The following DNAH11 variants were observed in gnomAD, a reference collection of about 807,000 sequenced individuals.
DNAH11 encodes dynein axonemal heavy chain 11.
A neutral mutation model predicts 526.0 loss-of-function variants in DNAH11; 442 were observed. The ratio of observed to expected loss-of-function variants is 0.84; its 90% CI spans 0.78 to 0.91. The LOEUF (loss-of-function observed/expected upper bound fraction) is 0.91, where lower values mean the gene tolerates loss of function less well. Ranked by LOEUF, DNAH11 falls within the 40% of genes least tolerant of loss-of-function variation. The pLI is 0.00. For missense variants in DNAH11, 6,989 were observed against 5,448.7 expected, an observed-to-expected ratio of 1.28 and a Z score of -8.90; for synonymous variants, 2,461 against 1,935.9, an observed-to-expected ratio of 1.27 and a Z score of -7.12.
intron 71 of DNAH11, 151 bp from the exon 72 acceptor site, chr7:21,867,708 G>A (rs1046827744): frequency 3.0e-6 from 2 of 672,948 alleles, no homozygotes; most frequent in Non-Finnish European, 5.0e-6. Context: ...CATACATCTA[G>A]CTGGATTCAT....
intron 45 of DNAH11, among the ~76,000 whole-genome samples, chr7:21,732,770 A>G (rs1785436912): frequency 1.3e-5 from 2 of 152,356 alleles, no homozygotes; most frequent in South Asian, 4.1e-4. Flanking sequence ...TCAATTTAAG[A>G]CAGCCATCCC....
intron 74 of DNAH11, among the ~76,000 whole-genome samples, chr7:21,876,828 T>C (rs1318753201): frequency 6.6e-6 from 1 of 152,228 alleles, no homozygotes; most frequent in Non-Finnish European, 1.5e-5. Flanking sequence ...ACAGAAATTC[T>C]CCTTTCATCT....
At chr7:21,652,504 T>G (rs1020507876) in intron 28 of DNAH11, among the ~76,000 whole-genome samples, 1 of 152,228 alleles carries the variant, frequency 6.6e-6, no homozygotes, top group Admixed American at 6.5e-5. Context: ...GAAGACTGTT[T>G]AGTGTTTTAA....
intron 18 of DNAH11, among the ~76,000 whole-genome samples, chr7:21,603,551 G>T (rs557742500): frequency 3.2e-4 from 48 of 152,238 alleles, no homozygotes; most frequent in South Asian, 8.3e-4. Context: ...ATGCAGCAGG[G>T]TATTTACAAG....
chr7:21,654,018 G>C lies in DNAH11; in HGVS notation c.4945-1814G>C, dbSNP rs1237014253. 3.3e-5 allele frequency among the ~76,000 whole-genome samples: 5 copies of C among 152,276 alleles called. No individual in the cohort carries two copies. In the East Asian group the frequency reaches 7.7e-4, roughly 23 times the overall value. Reference sequence around the variant, plus strand: ...AAAGTTTGTTACAGCAGTGGCGCCTGTATGCTTGGAAATGTTTTGTATTGC... The same window carrying C: ...AAAGTTTGTTACAGCAGTGGCGCCTCTATGCTTGGAAATGTTTTGTATTGC... On this transcript the variant is annotated intron_variant, in intron 28 of 81. Transcript: ENST00000409508.
chr7:21,718,178 A>T (rs1247270661), intron 43 of DNAH11, among the ~76,000 whole-genome samples: 1 of 146,504 alleles, frequency 6.8e-6, no homozygotes, highest in Non-Finnish European at 1.5e-5. Flanking sequence ...GGTTAGAACC[A>T]TGTTTTACTG....
rs368990145 is a variant in DNAH11, at chr7:21,583,916, A to T, written c.1710+1895A>T. 7.9e-5 allele frequency among the ~76,000 whole-genome samples: 12 copies of T among 152,366 alleles called. No homozygotes were observed. In the East Asian group the frequency reaches 1.9e-3, roughly 24 times the overall value. The stretch of plus-strand genomic sequence containing the variant: ...CCAGTTAGAATGGCGATCATTAAAA[A>T]GTCAGGAAACAACAGATGCTAGAGG... On this transcript the variant is annotated intron_variant, in intron 9 of 81. Coordinates refer to ENST00000409508, the MANE Select transcript of DNAH11 (RefSeq NM_001277115.2).
intron 66 of DNAH11, chr7:21,851,755 G>A (rs917457195): frequency 2.3e-6 from 1 of 439,240 alleles, no homozygotes; most frequent in South Asian, 1.7e-5. Context: ...GTGTTTGCCT[G>A]TTTTTAGGAT....
At chr7:21,555,142 C>T (rs1162239199) in intron 2 of DNAH11, among the ~76,000 whole-genome samples, 2 of 152,180 alleles carry the variant, frequency 1.3e-5, no homozygotes, top group African/African-American at 2.4e-5. Flanking sequence ...TAGCCCATCT[C>T]CTCTTGTGAG....
rs183675174 is a variant in DNAH11, at chr7:21,547,650, C to T, written c.495+2501C>T. Reference sequence around the variant, plus strand: ...TCTTCCCTTTTATGGGCTGACTCCTCGTCTACATTCTGTTCCTTTATCATG... The same window carrying T: ...TCTTCCCTTTTATGGGCTGACTCCTTGTCTACATTCTGTTCCTTTATCATG... On this transcript the variant is annotated intron_variant, in intron 2 of 81. Transcript: ENST00000409508. 4.4e-4 allele frequency among the ~76,000 whole-genome samples: 67 copies of T among 152,266 alleles called. No homozygotes were observed. In the East Asian group the frequency reaches 9.9e-3, roughly 22 times the overall value.
chr7:21,714,482 G>T (rs1276235860), intron 42 of DNAH11, among the ~76,000 whole-genome samples: 2 of 152,024 alleles, frequency 1.3e-5, no homozygotes, highest in East Asian at 3.9e-4. Context: ...CATAGTTATT[G>T]GAGACTTTAA....
At chr7:21,544,909 G>C in intron 1 of DNAH11, 97 bp from the exon 2 acceptor site, 1 of 1,079,964 alleles carries the variant, frequency 9.3e-7, no homozygotes, top group Non-Finnish European at 1.3e-6. Flanking sequence ...GCCAGGTTTT[G>C]TTTCTTCTGC....
chr7:21,620,112 A>G, intron 25 of DNAH11, 34 bp downstream of exon 25: 1 of 1,473,526 alleles, frequency 6.8e-7, no homozygotes. Flanking sequence ...TATATTTTTC[A>G]TTTTATTTTT....
rs1786699902 is a variant in DNAH11, at chr7:21,757,715, C to T, written c.8940+7351C>T. ...CGACAGACAAGGTGGGTGATTTCCTCCTGGCTCACACAGCGTCATGTGCAG... is the reference window on the plus strand; with the variant it reads ...CGACAGACAAGGTGGGTGATTTCCTTCTGGCTCACACAGCGTCATGTGCAG... On this transcript the variant is annotated intron_variant, in intron 54 of 81. Transcript: ENST00000409508. Among the ~76,000 whole-genome samples the T allele has an allele frequency of 2.6e-5, 4 of 152,280 alleles. No individual in the cohort carries two copies. In the South Asian group the frequency reaches 6.2e-4, roughly 24 times the overall value.
In DNAH11 at chr7:21,735,775, A is replaced by T. The variant is rs1475731645; in HGVS notation, c.7576A>T (p.Ser2526Cys). 8.7e-6 allele frequency: 14 copies of T among 1,613,876 alleles called. No homozygotes were observed. The highest frequency in any genetic ancestry group is 1.1e-5 in the Non-Finnish European group (13 of 1,179,902). ...AGTCTTTGTAGGTGACACATTGGCA[A>T]GTCTCTCTGAGGATTACATAGTATC... ...KTVFVGDTLA[S>C]LSEDYIVSRV... The change falls in exon 46 of 82, where the codon AGT (serine) becomes TGT (cysteine). Residue 2526 changes from serine to cysteine, a missense_variant. Coordinates refer to ENST00000409508, the MANE Select transcript of DNAH11 (RefSeq NM_001277115.2).
intron 40 of DNAH11, among the ~76,000 whole-genome samples, chr7:21,708,459 A>G (rs1308607738): frequency 6.6e-6 from 1 of 152,226 alleles, no homozygotes; most frequent in East Asian, 1.9e-4. Flanking sequence ...CCTGTACTAC[A>G]GCAGCGTGTA....
intron 55 of DNAH11, among the ~76,000 whole-genome samples, chr7:21,768,370 T>C (rs1299451039): frequency 6.6e-6 from 1 of 152,174 alleles, no homozygotes. Flanking sequence ...ACAAGTGATG[T>C]TTTTGCTTTT....
chr7:21,890,118 C>T (rs530247189), intron 76 of DNAH11, among the ~76,000 whole-genome samples: 1 of 152,222 alleles, frequency 6.6e-6, no homozygotes, highest in East Asian at 1.9e-4. Flanking sequence ...TTCTTATGGC[C>T]ACAACCATTA....
chr7:21,601,667 T>G, intron 18 of DNAH11, 49 bp downstream of exon 18: 1 of 1,379,784 alleles, frequency 7.2e-7, no homozygotes, highest in Non-Finnish European at 9.7e-7. Context: ...TGAGCATCTC[T>G]TTTATTAAAG....
Sources: allele counts gnomAD v4.1 joint callset (sites outside exome capture counted in the v4.1 genomes callset), GRCh38; gene constraint gnomAD v4.1.1; transcripts MANE v1.5; gene names NCBI Gene and HGNC (gene_info 2026-07-23, HGNC 2026-07-21).